Variants in TMX2 observed in about 807,000 individuals in gnomAD.
TMX2 encodes thioredoxin-related transmembrane protein 2.
A neutral mutation model predicts 33.4 loss-of-function variants in TMX2; 20 were observed. The ratio of observed to expected loss-of-function variants is 0.60; its 90% CI spans 0.42 to 0.87. TMX2 has a LOEUF of 0.87. Among genes scored for constraint, TMX2 ranks in the 40% least tolerant of loss-of-function variants. The pLI is 0.00. For synonymous variants in TMX2, 166 were observed against 140.7 expected (o/e 1.18, Z -1.27); for missense variants, 340 against 370.7 (o/e 0.92, Z 0.68).
intron 1 of TMX2, among the ~76,000 whole-genome samples, chr11:57,729,205 A>T (rs755885573): frequency 1.1e-4 from 16 of 152,138 alleles, no homozygotes; most frequent in Non-Finnish European, 2.1e-4. Flanking sequence ...CATAGGTTTT[A>T]TGGCACCTCT....
chr11:57,728,698 G>A (rs1296501016), intron 1 of TMX2, among the ~76,000 whole-genome samples: 4 of 152,092 alleles, frequency 2.6e-5, no homozygotes, highest in Admixed American at 2.6e-4. Flanking sequence ...CGGTTCATCT[G>A]TGTCCATTTG....
At chr11:57,713,842 A>T (rs768004299) in intron 1 of TMX2, among the ~76,000 whole-genome samples, 2 of 152,146 alleles carry the variant, frequency 1.3e-5, no homozygotes, top group Admixed American at 6.5e-5. Flanking sequence ...TGGGACAATG[A>T]CTGTTGGGCC....
At chr11:57,734,595 A>G (rs1193500720) in intron 1 of TMX2, among the ~76,000 whole-genome samples, 1 of 151,596 alleles carries the variant, frequency 6.6e-6, no homozygotes, top group Admixed American at 6.6e-5. Context: ...TAAAAATACA[A>G]AAGTTCACCG....
chr11:57,712,705 G>A lies in TMX2; in HGVS notation c.87G>A (p.Ser29=), dbSNP rs762011043. ...TCGCCCAACCTTACTACCTTCTGTC[G>A]GCCCTGCTCTCTGCTGCCTTCCTAC... ...RWLAQPYYLL[S]ALLSAAFLLV... Residue 29 remains serine, a synonymous_variant, in exon 1 of 8, where the codon TCG becomes TCA. Transcript: ENST00000278422. The A allele has an allele frequency of 5.6e-6, 9 of 1,614,004 alleles. No homozygotes were observed. The East Asian group carries it at 1.1e-4, about 20-fold the overall frequency.
Position 57,740,321 on chromosome 11 carries a change from C to G in TMX2, c.*76C>G. ...ATAACCACAAGCCTGAGGCTGCAGC[C>G]TTTTATTTATGTTTTCCCTTTGGCT... On this transcript the variant is annotated 3_prime_UTR_variant, in exon 8 of 8. Coordinates refer to ENST00000278422, the MANE Select transcript of TMX2 (RefSeq NM_015959.4). 5 of 1,470,136 alleles carry G rather than the reference C, an allele frequency of 3.4e-6. No homozygotes were observed. Among genetic ancestry groups the G allele is most frequent in the Non-Finnish European group, 2.7e-6 (3 of 1,109,438 alleles). The allele number at this position is 1,470,136 out of a possible 1,614,324, so 91.1% of individuals were successfully genotyped here. A position where few individuals can be genotyped will look rare whatever the true frequency, so the allele number is the denominator to read the frequency against.
chr11:57,715,630 A>AG (rs1454566805), intron 1 of TMX2, among the ~76,000 whole-genome samples: 1 of 123,710 alleles, frequency 8.1e-6, no homozygotes, highest in Non-Finnish European at 1.6e-5. Flanking sequence ...TTTCTCGCAG[A>AG]GGGGGACTTG....
rs748482169 is a variant in TMX2 at position 57,738,425 on chromosome 11, A to G, written c.436A>G (p.Ile146Val). 6.2e-7 allele frequency: 1 copy of G among 1,609,698 alleles called. No individual in the cohort carries two copies. Among genetic ancestry groups the G allele is most frequent in the South Asian group, 1.1e-5 (1 of 90,876 alleles). ...TATCAAGTACTTCAATGATAAAACC[A>G]TTGATGTGAGTGCTCTTTCCCCTTT... ...EYIKYFNDKT[I>V]DEELERDKRV... The change falls in exon 4 of 8, where the codon ATT (isoleucine) becomes GTT (valine). Residue 146 changes from isoleucine to valine, a missense_variant. By Grantham distance (29) the Ile-to-Val change is conservative (BLOSUM62 3). Around this residue, in one of 3 missense-constraint regions of TMX2, gnomAD observed 209 missense variants for 241.6 expected, o/e 0.87. Transcript: ENST00000278422.
chr11:57,717,529 C>G (rs2926650), intron 1 of TMX2, among the ~76,000 whole-genome samples: 1 of 147,768 alleles, frequency 6.8e-6, no homozygotes, highest in Non-Finnish European at 1.5e-5. Context: ...AGCGAAACCC[C>G]GTCTCCACCA....
Position 57,740,602 on chromosome 11 carries a change from A to G in TMX2, c.*357A>G. ...CATCATTCCTTCTTAGTTGACCTGC[A>G]CAGCTTGGTTAGACCTAGATTTAAC... is the stretch of plus-strand genomic sequence containing the variant. On this transcript the variant is annotated 3_prime_UTR_variant, in exon 8 of 8. Transcript: ENST00000278422. The G allele has an allele frequency of 5.4e-6, 1 of 186,770 alleles. No individual in the cohort carries two copies. Among genetic ancestry groups the G allele is most frequent in the South Asian group, 1.2e-4 (1 of 8,546 alleles). 11.6% of individuals were successfully genotyped at this position (186,770 alleles called of 1,614,324 possible). A position where few individuals can be genotyped will look rare whatever the true frequency, so the allele number is the denominator to read the frequency against.
chr11:57,740,004 C>T, intron 7 of TMX2, 95 bp from the exon 8 acceptor site: 3 of 1,569,526 alleles, frequency 1.9e-6, no homozygotes, highest in Non-Finnish European at 2.6e-6. Flanking sequence ...CTTACTCCTT[C>T]CTTTCCCAGA....
At chr11:57,733,616 G>GA (rs941488638) in intron 1 of TMX2, among the ~76,000 whole-genome samples, 8 of 150,762 alleles carry the variant, frequency 5.3e-5, no homozygotes, top group Non-Finnish European at 8.9e-5. Flanking sequence ...GTTTCTCTAA[G>GA]AAAAAAAAAT....
chr11:57,722,778 C>T (rs1454037021), intron 1 of TMX2, among the ~76,000 whole-genome samples: 3 of 152,016 alleles, frequency 2.0e-5, no homozygotes, highest in Non-Finnish European at 4.4e-5. Flanking sequence ...ATTTGGGTTA[C>T]TAGAAGTTAA....
In TMX2 at chr11:57,722,562, A is replaced by G. The variant is rs538712751; in HGVS notation, c.189+9755A>G. Among the ~76,000 whole-genome samples the G allele has an allele frequency of 1.3e-4, 20 of 152,336 alleles. No homozygotes were observed. In the South Asian group the frequency reaches 3.9e-3, roughly 30 times the overall value. The stretch of plus-strand genomic sequence containing the variant: ...GCATGCCTGTTATATCTGTATCTTT[A>G]TATGTGTCATATAGAAGTGATACTT... On this transcript the variant is annotated intron_variant, in intron 1 of 7. Transcript: ENST00000278422.
At chr11:57,724,825 G>A (rs1284090998) in intron 1 of TMX2, among the ~76,000 whole-genome samples, 2 of 151,842 alleles carry the variant, frequency 1.3e-5, no homozygotes, top group African/African-American at 2.4e-5. Flanking sequence ...GGATCACAAG[G>A]TCAAGAGTTC....
rs1565235969 is a variant in TMX2, at chr11:57,739,173, C to G, written c.657C>G (p.Thr219=). Residue 219 remains threonine, a synonymous_variant, in exon 7 of 8, where the codon ACC becomes ACG. Transcript: ENST00000278422. ...STSPLTKQLP[T]LILFQGGKEA... is the part of the protein sequence containing the mutation. ...CACCCCTCACCAAGCAACTCCCTAC[C>G]CTGATCCTGTTCCAAGGTGGCAAGG... The G allele has an allele frequency of 6.2e-7, 1 of 1,614,114 alleles. No individual in the cohort carries two copies.
intron 1 of TMX2, among the ~76,000 whole-genome samples, chr11:57,733,127 A>G (rs1338232702): frequency 6.6e-6 from 1 of 151,800 alleles, no homozygotes; most frequent in African/African-American, 2.4e-5. Flanking sequence ...TATGTGGTCT[A>G]TTGCTGACCA....
At chr11:57,719,876 T>TTAAAATC (rs1443467778) in intron 1 of TMX2, among the ~76,000 whole-genome samples, 1 of 152,064 alleles carries the variant, frequency 6.6e-6, no homozygotes, top group Non-Finnish European at 1.5e-5. Context: ...CCAAATTGGC[T>TTAAAATC]TCTCCAAAAC....
At chr11:57,716,607 G>A (rs1291711555) in intron 1 of TMX2, among the ~76,000 whole-genome samples, 2 of 127,612 alleles carry the variant, frequency 1.6e-5, no homozygotes, top group East Asian at 2.8e-4. Flanking sequence ...GGCTGGCCGG[G>A]TGGGGGGCTG....
At chr11:57,735,702 AAGG>A (rs1948710152) in intron 1 of TMX2, among the ~76,000 whole-genome samples, 1 of 152,186 alleles carries the variant, frequency 6.6e-6, no homozygotes, top group Non-Finnish European at 1.5e-5. Flanking sequence ...ATATTTATGA[AAGG>A]AGAAACACGT....
Sources: gnomAD v4.1 joint callset for allele counts (sites outside exome capture counted in the v4.1 genomes callset) on GRCh38, gnomAD v4.1.1 for gene constraint, gnomAD v4.1.1 regional missense constraint, MANE v1.5 for transcripts, NCBI Gene and HGNC (gene_info 2026-07-23, HGNC 2026-07-21) for gene names.